The following SLC25A40 variants were observed in gnomAD, a reference collection of about 807,000 sequenced individuals.
SLC25A40 encodes mitochondrial glutathione transporter SLC25A40.
SLC25A40 carries 41 observed loss-of-function variants against 46.5 expected under a neutral mutation model. The ratio of observed to expected loss-of-function variants is 0.88; its 90% CI spans 0.69 to 1.14. SLC25A40 has a LOEUF of 1.14. SLC25A40 is among the 50% of genes most tolerant of loss of function. SLC25A40 has a pLI of 0.00. For synonymous variants in SLC25A40, 126 were observed against 127.5 expected, an observed-to-expected ratio of 0.99 and a Z score of 0.08; for missense variants, 386 against 393.6, an observed-to-expected ratio of 0.98 and a Z score of 0.16.
In SLC25A40 at chr7:87,847,841, T is replaced by C. The variant is rs1838444606; in HGVS notation, c.457+12A>G. 6.3e-7 allele frequency: 1 copy of C among 1,589,906 alleles called. No individual in the cohort carries two copies. Among genetic ancestry groups the C allele is most frequent in the Admixed American group, 1.9e-5 (1 of 53,102 alleles). On this transcript the variant is annotated intron_variant, in intron 7 of 11. Transcript: ENST00000341119. ...ACAGAAATCAAAATGAAAATAAAGA[T>C]TTATTACTCACATCTGGCTACAATT...
Position 87,836,477 on chromosome 7 carries a change from A to C in SLC25A40, c.905-116T>G, listed in dbSNP as rs1306334769. 3 of 667,238 alleles carry C rather than the reference A, an allele frequency of 4.5e-6. No homozygotes were observed. In the African/African-American group the frequency reaches 5.8e-5, roughly 13 times the overall value. The allele number at this position is 667,238 out of a possible 1,614,324, so 41.3% of individuals were successfully genotyped here. A position where few individuals can be genotyped will look rare whatever the true frequency, so the allele number is the denominator to read the frequency against. Reference sequence around the variant, plus strand: ...CAAATTAAATGAAGTAATATGTTCAAATCCATAAATTGGTAGAAAAGACTG... The same window carrying C: ...CAAATTAAATGAAGTAATATGTTCACATCCATAAATTGGTAGAAAAGACTG... On this transcript the variant is annotated intron_variant, in intron 11 of 11. Transcript: ENST00000341119.
At chr7:87,853,587 A>G (rs781067632) in intron 5 of SLC25A40, among the ~76,000 whole-genome samples, 11 of 152,234 alleles carry the variant, frequency 7.2e-5, no homozygotes, top group Non-Finnish European at 1.2e-4. Flanking sequence ...GAAATAATCT[A>G]TATCATGAGC....
chr7:87,847,800 T>G, intron 7 of SLC25A40, 53 bp downstream of exon 7: 1 of 1,553,994 alleles, frequency 6.4e-7, no homozygotes, highest in Non-Finnish European at 8.7e-7. Flanking sequence ...TGTCACAACT[T>G]AAACAGAAGC....
intron 5 of SLC25A40, among the ~76,000 whole-genome samples, chr7:87,852,067 G>T (rs1055626534): frequency 7.9e-5 from 12 of 152,224 alleles, no homozygotes; most frequent in Admixed American, 7.2e-4. Flanking sequence ...CTGTCTAAAA[G>T]AAATTCACTT....
At chr7:87,846,313 T>C (rs914655273) in intron 8 of SLC25A40, among the ~76,000 whole-genome samples, 8 of 152,202 alleles carry the variant, frequency 5.3e-5, no homozygotes, top group African/African-American at 1.9e-4. Flanking sequence ...GATATTTATA[T>C]TCTTATTGAG....
intron 1 of SLC25A40, among the ~76,000 whole-genome samples, chr7:87,861,342 G>A (rs1443346383): frequency 1.3e-5 from 2 of 152,078 alleles, no homozygotes; most frequent in African/African-American, 2.4e-5. Context: ...CCATGGTCTG[G>A]TATTAGATAA....
At chr7:87,859,860 C>T (rs1440954164) in intron 2 of SLC25A40, among the ~76,000 whole-genome samples, 16 of 151,924 alleles carry the variant, frequency 1.1e-4, no homozygotes, top group Non-Finnish European at 5.9e-5. Flanking sequence ...CCTACAATTA[C>T]TGTAGGAAAG....
chr7:87,833,910 A>ATAGT lies in SLC25A40; in HGVS notation c.*2335_*2338dup, dbSNP rs1491324692. The stretch of plus-strand genomic sequence containing the variant: ...ATATGCAGTTAAATAACCATAATGA[A>ATAGT]TAGTTTTCCTAGAAAAAAAAATATT... On this transcript the variant is annotated 3_prime_UTR_variant, in exon 12 of 12. Coordinates refer to ENST00000341119, the MANE Select transcript of SLC25A40 (RefSeq NM_018843.4). The ATAGT allele has an allele frequency of 2.0e-5, 3 of 151,792 alleles. No homozygotes were observed. Among genetic ancestry groups the ATAGT allele is most frequent in the African/African-American group, 7.3e-5 (3 of 41,316 alleles). The allele number at this position is 151,792 out of a possible 1,614,324, so 9.4% of individuals were successfully genotyped here. A position where few individuals can be genotyped will look rare whatever the true frequency, so the allele number is the denominator to read the frequency against.
intron 3 of SLC25A40, 117 bp downstream of exon 3, chr7:87,858,514 C>T (rs1269791372): frequency 1.6e-6 from 1 of 639,178 alleles, no homozygotes; most frequent in Non-Finnish European, 2.8e-6. Flanking sequence ...TATTTCTCAG[C>T]CAGCCAATAC....
At chr7:87,852,171 C>T (rs900174579) in intron 5 of SLC25A40, among the ~76,000 whole-genome samples, 9 of 152,064 alleles carry the variant, frequency 5.9e-5, no homozygotes, top group African/African-American at 2.2e-4. Context: ...AAGTTGAATG[C>T]CATTCCAATA....
At position 87,843,751 on chromosome 7, in the gene SLC25A40, T is replaced by C; in HGVS notation, c.741+3A>G. ...AATATTAACAACAAAAGAATAAACT[T>C]ACAGAACCAGACAATGCCCCTGAAG... On this transcript the variant is annotated splice_donor_region_variant and intron_variant, in intron 9 of 11. Coordinates refer to ENST00000341119, the MANE Select transcript of SLC25A40 (RefSeq NM_018843.4). The C allele has an allele frequency of 6.3e-7, 1 of 1,591,152 alleles. No individual in the cohort carries two copies. The highest frequency in any genetic ancestry group is 8.6e-7 in the Non-Finnish European group (1 of 1,163,306).
rs764053561 is a variant in SLC25A40, at chr7:87,866,583, C to T, written c.-93-5943G>A. Among the ~76,000 whole-genome samples the T allele has an allele frequency of 5.9e-5, 9 of 152,184 alleles. No individual in the cohort carries two copies. In the East Asian group the frequency reaches 1.5e-3, roughly 26 times the overall value. ...TGAGACATTCATGGGAAGCCATGGG[C>T]GTCCTCTGAGGAGAAACGTCTCCTT... On this transcript the variant is annotated intron_variant, in intron 1 of 11. Coordinates refer to ENST00000341119, the MANE Select transcript of SLC25A40 (RefSeq NM_018843.4).
intron 7 of SLC25A40, among the ~76,000 whole-genome samples, chr7:87,847,466 G>T (rs1304229840): frequency 6.6e-6 from 1 of 152,058 alleles, no homozygotes; most frequent in Non-Finnish European, 1.5e-5. Flanking sequence ...CAGAGTAAAC[G>T]TTCTTCTGTA....
intron 5 of SLC25A40, 35 bp from the exon 6 acceptor site, chr7:87,849,983 T>C: frequency 7.3e-7 from 1 of 1,361,988 alleles, no homozygotes; most frequent in African/African-American, 1.5e-5. Flanking sequence ...AATCAAAATA[T>C]ATCTTTAAAC....
chr7:87,847,727 T>C (rs1170983332), intron 7 of SLC25A40, 126 bp downstream of exon 7: 1 of 923,336 alleles, frequency 1.1e-6, no homozygotes, highest in East Asian at 3.2e-5. Context: ...AACAAATTAA[T>C]ATAAACTATA....
chr7:87,869,307 C>T (rs1463593380), intron 1 of SLC25A40, among the ~76,000 whole-genome samples: 3 of 152,098 alleles, frequency 2.0e-5, no homozygotes, highest in African/African-American at 7.2e-5. Context: ...AGGCAAACTG[C>T]TTGACCTCAG....
In SLC25A40 at chr7:87,860,585, GTTC is replaced by G; in HGVS notation, c.-41_-39del. On this transcript the variant is annotated 5_prime_UTR_variant, in exon 2 of 12. Coordinates refer to ENST00000341119, the MANE Select transcript of SLC25A40 (RefSeq NM_018843.4). ...TTATCTACCTACCTGGTTTGAGTCT[GTTC>G]TTCAACTCTATGCTCCAATATTTTA... The G allele has an allele frequency of 6.6e-6, 1 of 152,168 alleles. No individual in the cohort carries two copies. Among genetic ancestry groups the G allele is most frequent in the South Asian group, 2.1e-4 (1 of 4,820 alleles). The allele number at this position is 152,168 out of a possible 1,614,324, so 9.4% of individuals were successfully genotyped here. A position where few individuals can be genotyped will look rare whatever the true frequency, so the allele number is the denominator to read the frequency against.
rs74989206 is a variant in SLC25A40 at position 87,870,862 on chromosome 7, C to T, written c.-94+5234G>A. Among the ~76,000 whole-genome samples, 1,309 of 152,222 alleles carry T rather than the reference C, an allele frequency of 8.6e-3. 18 individuals carry two copies. Among genetic ancestry groups the T allele is most frequent in the African/African-American group, 0.03 (1,225 of 41,496 alleles). ...ACCATATTGAAGTTGTTCGTGTGAC[C>T]TCATTCCTCCTGGATGCCCGACAAG... On this transcript the variant is annotated intron_variant, in intron 1 of 11. Transcript: ENST00000341119.
chr7:87,845,422 C>G (rs766464914), intron 8 of SLC25A40, among the ~76,000 whole-genome samples: 5 of 152,148 alleles, frequency 3.3e-5, no homozygotes, highest in African/African-American at 7.2e-5. Context: ...GCAATATATT[C>G]TCATAGAACT....
Sources: allele counts gnomAD v4.1 joint callset (sites outside exome capture counted in the v4.1 genomes callset), GRCh38; gene constraint gnomAD v4.1.1; transcripts MANE v1.5; gene names NCBI Gene and HGNC (gene_info 2026-07-23, HGNC 2026-07-21).